The following MSRA variants were observed in gnomAD, a reference collection of about 807,000 sequenced individuals.
The protein encoded by MSRA is mitochondrial peptide methionine sulfoxide reductase.
In MSRA, 54 loss-of-function variants were observed where a neutral mutation model predicts 31.3. The observed-to-expected ratio is 1.73, with a 90% CI of 1.39 to 2.17. MSRA has a LOEUF of 2.17. Among genes scored for constraint, MSRA ranks in the 30% most tolerant of loss-of-function variants. The pLI, the probability that MSRA is intolerant of heterozygous loss-of-function variation, is 0.00. For missense variants in MSRA, 507 were observed against 300.9 expected, an observed-to-expected ratio of 1.69 and a Z score of -5.07; for synonymous variants, 169 against 116.5, an observed-to-expected ratio of 1.45 and a Z score of -2.90.
At chr8:10,317,173 T>A (rs1395919314) in intron 4 of MSRA, among the ~76,000 whole-genome samples, 1 of 152,244 alleles carries the variant, frequency 6.6e-6, no homozygotes, top group African/African-American at 2.4e-5. Flanking sequence ...TTTCAGACCC[T>A]GAGGCGTTGT....
chr8:10,134,402 C>T (rs1008442392), intron 1 of MSRA, among the ~76,000 whole-genome samples: 2 of 152,238 alleles, frequency 1.3e-5, no homozygotes, highest in Admixed American at 6.5e-5. Flanking sequence ...ACTGCAGATA[C>T]GTGCCTGTCC....
intron 5 of MSRA, among the ~76,000 whole-genome samples, chr8:10,329,347 G>C (rs1354408937): frequency 1.3e-5 from 2 of 152,178 alleles, no homozygotes; most frequent in Non-Finnish European, 2.9e-5. Context: ...CGTCTGGTGG[G>C]TGCCACCATG....
At chr8:10,062,476 T>C (rs1797252463) in intron 1 of MSRA, among the ~76,000 whole-genome samples, 1 of 152,218 alleles carries the variant, frequency 6.6e-6, no homozygotes, top group African/African-American at 2.4e-5. Context: ...GGAATTGACT[T>C]ACTCTTTGTA....
At chr8:10,083,068 C>G (rs1798373570) in intron 1 of MSRA, among the ~76,000 whole-genome samples, 2 of 151,882 alleles carry the variant, frequency 1.3e-5, no homozygotes, top group South Asian at 2.1e-4. Flanking sequence ...AAGCACGTAA[C>G]CATACTTACA....
intron 5 of MSRA, among the ~76,000 whole-genome samples, chr8:10,398,491 G>A (rs1807242859): frequency 6.6e-6 from 1 of 152,208 alleles, no homozygotes; most frequent in Non-Finnish European, 1.5e-5. Flanking sequence ...CAGAGGGCTT[G>A]ACTACTGGGA....
intron 1 of MSRA, among the ~76,000 whole-genome samples, chr8:10,125,394 G>A (rs999392129): frequency 1.3e-5 from 2 of 152,204 alleles, no homozygotes; most frequent in African/African-American, 4.8e-5. Context: ...CCTGGAAGGA[G>A]GAGCAGGAGT....
intron 1 of MSRA, among the ~76,000 whole-genome samples, chr8:10,103,474 A>G (rs1020461748): frequency 5.9e-5 from 9 of 152,152 alleles, no homozygotes; most frequent in African/African-American, 2.2e-4. Context: ...CCAAAACTCT[A>G]AAGGTTGACT....
At chr8:10,112,124 C>G (rs550578886) in intron 1 of MSRA, among the ~76,000 whole-genome samples, 3 of 152,016 alleles carry the variant, frequency 2.0e-5, no homozygotes, top group South Asian at 4.1e-4. Context: ...ACACCCAAGT[C>G]CCAGCTTTTA....
chr8:10,335,902 T>C (rs936139257), intron 5 of MSRA, among the ~76,000 whole-genome samples: 1 of 152,200 alleles, frequency 6.6e-6, no homozygotes, highest in Non-Finnish European at 1.5e-5. Context: ...AGCTGGTAAC[T>C]TGAGACCACA....
At chr8:10,326,364 T>G (rs1023797153) in intron 5 of MSRA, 1 of 152,214 alleles carries the variant, frequency 6.6e-6, no homozygotes, top group Non-Finnish European at 1.5e-5. Flanking sequence ...TGATTTTCCA[T>G]TGAAACTGTG....
rs937709235 is a variant in MSRA at position 10,202,161 on chromosome 8, C to T, written c.143-5672C>T. On this transcript the variant is annotated intron_variant, in intron 1 of 5. Transcript: ENST00000317173. The stretch of plus-strand genomic sequence containing the variant: ...ATGGTGGGTTAGGTTCCCAGGTTAG[C>T]CCACCCTTCCCCCATATCTTACTGA... Among the ~76,000 whole-genome samples the T allele has an allele frequency of 2.6e-5, 4 of 152,300 alleles. No homozygotes were observed. The East Asian group carries it at 5.8e-4, about 22-fold the overall frequency.
At chr8:10,116,423 A>T (rs899246105) in intron 1 of MSRA, among the ~76,000 whole-genome samples, 3 of 152,196 alleles carry the variant, frequency 2.0e-5, no homozygotes, top group Non-Finnish European at 4.4e-5. Context: ...AGTAAAAAGT[A>T]ATTCGTTTGA....
At chr8:10,308,575 G>C (rs1801266295) in intron 4 of MSRA, among the ~76,000 whole-genome samples, 1 of 152,242 alleles carries the variant, frequency 6.6e-6, no homozygotes, top group African/African-American at 2.4e-5. Flanking sequence ...ATTTCTTTGG[G>C]ATGAGATCCG....
intron 1 of MSRA, among the ~76,000 whole-genome samples, chr8:10,062,032 C>G (rs549324935): frequency 8.1e-4 from 123 of 152,276 alleles, no homozygotes; most frequent in African/African-American, 2.9e-3. Context: ...ACAGCTGAGG[C>G]AAGGAGTGGG....
At chr8:10,425,104 A>G (rs566446738) in intron 5 of MSRA, among the ~76,000 whole-genome samples, 18 of 151,126 alleles carry the variant, frequency 1.2e-4, no homozygotes, top group Non-Finnish European at 2.9e-5. Context: ...TTTCGCACCT[A>G]GTCTCTTTTT....
At chr8:10,400,437 G>A (rs916260310) in intron 5 of MSRA, among the ~76,000 whole-genome samples, 2 of 151,872 alleles carry the variant, frequency 1.3e-5, no homozygotes, top group African/African-American at 2.4e-5. Context: ...AGCTGGGGCT[G>A]GGGATATCAA....
At chr8:10,274,695 A>G (rs1275180576) in intron 3 of MSRA, among the ~76,000 whole-genome samples, 1 of 151,848 alleles carries the variant, frequency 6.6e-6, no homozygotes, top group Non-Finnish European at 1.5e-5. Flanking sequence ...CCATGTATCT[A>G]CTCATCCGCC....
chr8:10,350,469 C>T (rs950245028), intron 5 of MSRA, among the ~76,000 whole-genome samples: 2 of 152,126 alleles, frequency 1.3e-5, no homozygotes, highest in African/African-American at 2.4e-5. Context: ...ATGAAAAGGC[C>T]CTATAAAGCC....
chr8:10,283,828 T>TACACACACACACACACACACACAC (rs1289199754), intron 3 of MSRA, among the ~76,000 whole-genome samples: 1 of 68,552 alleles, frequency 1.5e-5, no homozygotes, highest in Non-Finnish European at 2.8e-5. Context: ...TATATATATA[T>TACACACACACACACACACACACAC]ATATATATAC....
Sources: gnomAD v4.1 joint callset for allele counts (sites outside exome capture counted in the v4.1 genomes callset) on GRCh38, gnomAD v4.1.1 for gene constraint, MANE v1.5 for transcripts, NCBI Gene and HGNC (gene_info 2026-07-23, HGNC 2026-07-21) for gene names.